Variants in HMGB1 observed in about 807,000 individuals in gnomAD.
The protein encoded by HMGB1 is high mobility group box 1, also known as high mobility group protein B1.
For synonymous variants in HMGB1, 81 were observed against 84.0 expected (o/e 0.96, Z 0.19); for missense variants, 79 against 253.5 (o/e 0.31, Z 4.67).
intron 1 of HMGB1, among the ~76,000 whole-genome samples, chr13:30,565,105 T>C (rs1870133481): frequency 6.6e-6 from 1 of 152,236 alleles, no homozygotes; most frequent in Non-Finnish European, 1.5e-5. Flanking sequence ...GTTATGTAAG[T>C]TATATAAAAA....
At chr13:30,523,166 T>G (rs1054456544) in intron 1 of HMGB1, among the ~76,000 whole-genome samples, 10 of 152,248 alleles carry the variant, frequency 6.6e-5, no homozygotes, top group Non-Finnish European at 5.9e-5. Flanking sequence ...GCAGGTACAG[T>G]AGACATCAGC....
intron 1 of HMGB1, among the ~76,000 whole-genome samples, chr13:30,603,018 G>A (rs1344280000): frequency 6.6e-6 from 1 of 152,162 alleles, no homozygotes; most frequent in Non-Finnish European, 1.5e-5. Flanking sequence ...ATTGCCCCAA[G>A]CTGATCTTGA....
At position 30,476,070 on chromosome 13, in the gene HMGB1, G is replaced by A. The variant is rs1887088600; in HGVS notation, c.-14-12376C>T. On this transcript the variant is annotated intron_variant, in intron 1 of 4. Transcript: ENST00000405805. ...TTATTGTCATCATACAAACCATAGA[G>A]TGGGAAACTGAGAAACAGAACTGTT... 6.6e-5 allele frequency among the ~76,000 whole-genome samples: 10 copies of A among 151,206 alleles called. No individual in the cohort carries two copies. The South Asian group carries it at 2.1e-3, about 32-fold the overall frequency.
intron 1 of HMGB1, among the ~76,000 whole-genome samples, chr13:30,471,378 A>T: frequency 6.7e-6 from 1 of 148,688 alleles, no homozygotes. Context: ...ACGGGGTTTC[A>T]CTCTTGTTGC....
upstream of HMGB1, among the ~76,000 whole-genome samples, chr13:30,468,325 G>A (rs556868618): frequency 6.6e-6 from 1 of 152,092 alleles, no homozygotes; most frequent in East Asian, 1.9e-4. Flanking sequence ...GTGCAATCTC[G>A]GCTCACTGCA....
chr13:30,474,963 T>G (rs12862172), intron 1 of HMGB1, among the ~76,000 whole-genome samples: 10,071 of 31,880 alleles, frequency 0.32, 1,160 homozygotes, highest in African/African-American at 0.43. Flanking sequence ...TTTTTTGTTT[T>G]TTTTTTTTTT....
rs574051194 is a variant in HMGB1, at chr13:30,577,629, G to A, written c.-15+39042C>T. Among the ~76,000 whole-genome samples, 10 of 152,198 alleles carry A rather than the reference G, an allele frequency of 6.6e-5. 1 individual carries two copies. The South Asian group carries it at 8.3e-4, about 13-fold the overall frequency. The stretch of plus-strand genomic sequence containing the variant: ...CTGTGGGTTAGAGTCAGATCACTGC[G>A]GATTAAGTCCTCATTCTGCCACTGC... On this transcript the variant is annotated intron_variant, in intron 1 of 4. Coordinates refer to the HMGB1 transcript ENST00000405805.
chr13:30,532,047 TA>T (rs1045014139), intron 1 of HMGB1, among the ~76,000 whole-genome samples: 1 of 150,828 alleles, frequency 6.6e-6, no homozygotes, highest in South Asian at 2.1e-4. Context: ...TATGTATTTT[TA>T]AAAAATCAGG....
intron 1 of HMGB1, among the ~76,000 whole-genome samples, chr13:30,495,311 T>G (rs1346481028): frequency 6.6e-6 from 1 of 152,256 alleles, no homozygotes; most frequent in East Asian, 1.9e-4. Context: ...ATTGTACTTC[T>G]AATGCTGTTC....
rs181013104 is a variant in HMGB1 at position 30,459,091 on chromosome 13, C to G, written c.*2266G>C. On this transcript the variant is annotated 3_prime_UTR_variant, in exon 5 of 5. Coordinates refer to ENST00000341423, the MANE Select transcript of HMGB1 (RefSeq NM_002128.7). Reference sequence around the variant, plus strand: ...CTTGATGTCAACAAAGTCTTTAAACCCCACAGCACTGTAACTATCTTGGCA... The same window carrying G: ...CTTGATGTCAACAAAGTCTTTAAACGCCACAGCACTGTAACTATCTTGGCA... The G allele has an allele frequency of 6.6e-6, 1 of 152,100 alleles. No homozygotes were observed. The highest frequency in any genetic ancestry group is 1.5e-5 in the Non-Finnish European group (1 of 67,974). The allele number at this position is 152,100 out of a possible 1,614,324, so 9.4% of individuals were successfully genotyped here. A position where few individuals can be genotyped will look rare whatever the true frequency, so the allele number is the denominator to read the frequency against.
intron 1 of HMGB1, among the ~76,000 whole-genome samples, chr13:30,538,768 T>G (rs557416866): frequency 8.1e-6 from 1 of 123,006 alleles, no homozygotes; most frequent in South Asian, 2.6e-4. Context: ...TCTCTTTCTC[T>G]CTCTCTTTCC....
At chr13:30,464,413 C>A (rs904504274) in intron 1 of HMGB1, 7 of 985,328 alleles carry the variant, frequency 7.1e-6, no homozygotes, top group Admixed American at 1.2e-4. Context: ...GCCCCCTCCC[C>A]CAACTCGGGA....
chr13:30,586,734 C>A (rs1411668204), intron 1 of HMGB1, among the ~76,000 whole-genome samples: 1 of 152,004 alleles, frequency 6.6e-6, no homozygotes, highest in East Asian at 1.9e-4. Context: ...ATCTGCCCAC[C>A]TTGGCCTCCC....
At chr13:30,464,508 G>C in intron 1 of HMGB1, 1 of 984,668 alleles carries the variant, frequency 1.0e-6, no homozygotes, top group Non-Finnish European at 1.2e-6. Flanking sequence ...TGGCCGCGCG[G>C]CCGAGGAGAG....
intron 1 of HMGB1, among the ~76,000 whole-genome samples, chr13:30,577,339 CT>C (rs1380908488): frequency 3.8e-5 from 4 of 104,826 alleles, no homozygotes; most frequent in Non-Finnish European, 7.2e-5. Flanking sequence ...GACCCAGTCT[CT>C]TTAAAAAAAA....
intron 1 of HMGB1, among the ~76,000 whole-genome samples, chr13:30,497,761 C>T (rs1887643015): frequency 6.6e-6 from 1 of 152,134 alleles, no homozygotes; most frequent in African/African-American, 2.4e-5. Flanking sequence ...CAGCTCTATC[C>T]ATCTTGCTGC....
chr13:30,462,840 A>G, intron 3 of HMGB1, 128 bp from the exon 4 acceptor site: 1 of 698,928 alleles, frequency 1.4e-6, no homozygotes, highest in Non-Finnish European at 2.4e-6. Flanking sequence ...GGGTGCAAAT[A>G]CTATAATATA....
chr13:30,565,749 G>A (rs1371713969), intron 1 of HMGB1, among the ~76,000 whole-genome samples: 1 of 152,178 alleles, frequency 6.6e-6, no homozygotes, highest in African/African-American at 2.4e-5. Context: ...TGGCTGCCTA[G>A]GAGTGCTTCT....
chr13:30,574,446 T>C (rs1870561802), intron 1 of HMGB1, among the ~76,000 whole-genome samples: 1 of 152,242 alleles, frequency 6.6e-6, no homozygotes, highest in Non-Finnish European at 1.5e-5. Flanking sequence ...GGTTGCTAAA[T>C]GAATTCTCTT....
Sources: gnomAD v4.1 joint callset for allele counts (sites outside exome capture counted in the v4.1 genomes callset) on GRCh38, gnomAD v4.1.1 for gene constraint, MANE v1.5 for transcripts, NCBI Gene and HGNC (gene_info 2026-07-23, HGNC 2026-07-21) for gene names.